The following GALNT10 variants were observed in gnomAD, a reference collection of about 807,000 sequenced individuals.
GALNT10 encodes GalNAc transferase 10.
In GALNT10, 41 loss-of-function variants were observed where a neutral mutation model predicts 75.0. The observed-to-expected ratio is 0.55, with a 90% CI of 0.43 to 0.71. The LOEUF is 0.71. Among genes scored for constraint, GALNT10 ranks in the 30% least tolerant of loss-of-function variants. GALNT10 has a pLI of 0.00. For missense variants in GALNT10, 727 were observed against 818.5 expected (o/e 0.89, Z 1.36); for synonymous variants, 302 against 313.0 (o/e 0.96, Z 0.37).
At chr5:154,375,765 C>A (rs891921418) in intron 4 of GALNT10, among the ~76,000 whole-genome samples, 1 of 152,148 alleles carries the variant, frequency 6.6e-6, no homozygotes, top group African/African-American at 2.4e-5. Flanking sequence ...AATAATGCTG[C>A]AGAATATTCT....
At chr5:154,391,681 C>T (rs546811736) in intron 7 of GALNT10, among the ~76,000 whole-genome samples, 1 of 152,314 alleles carries the variant, frequency 6.6e-6, no homozygotes, top group African/African-American at 2.4e-5. Flanking sequence ...CTGATTTAAG[C>T]AAAAACCAGA....
chr5:154,408,449 T>C (rs1756328306), intron 8 of GALNT10, among the ~76,000 whole-genome samples: 1 of 152,126 alleles, frequency 6.6e-6, no homozygotes, highest in South Asian at 2.1e-4. Context: ...GAGCGGAGAA[T>C]TTCCCCTGAA....
intron 7 of GALNT10, chr5:154,387,028 C>T (rs1041816343): frequency 6.5e-6 from 1 of 154,488 alleles, no homozygotes; most frequent in Admixed American, 6.5e-5. Flanking sequence ...TACTACCTAG[C>T]TTACAGAGCT....
rs568337320 is a variant in GALNT10, at chr5:154,285,644, C to T, written c.160-9172C>T. On this transcript the variant is annotated intron_variant, in intron 1 of 11. Transcript: ENST00000297107. ...CCCACCCCTACTTCTGCCTTCCCAG[C>T]ATAAGCTAACATCATCTCTGCCTGC... Among the ~76,000 whole-genome samples, 3 of 152,314 alleles carry T rather than the reference C, an allele frequency of 2.0e-5. 1 individual carries two copies. In the South Asian group the frequency reaches 6.2e-4, roughly 32 times the overall value.
intron 1 of GALNT10, among the ~76,000 whole-genome samples, chr5:154,202,835 T>C (rs1365205607): frequency 6.6e-6 from 1 of 152,124 alleles, no homozygotes; most frequent in Non-Finnish European, 1.5e-5. Context: ...TCTCTGCTTG[T>C]GGGGGTGGGG....
chr5:154,361,184 C>T (rs1161938486), intron 4 of GALNT10, among the ~76,000 whole-genome samples: 1 of 152,068 alleles, frequency 6.6e-6, no homozygotes, highest in Non-Finnish European at 1.5e-5. Context: ...TGGTCCCCCT[C>T]TCCAAAGTTA....
intron 1 of GALNT10, among the ~76,000 whole-genome samples, chr5:154,260,587 T>C (rs578095485): frequency 6.6e-6 from 1 of 152,318 alleles, no homozygotes; most frequent in South Asian, 2.1e-4. Flanking sequence ...AGTTTTATAA[T>C]CATTCATTTT....
chr5:154,376,540 C>A lies in GALNT10; in HGVS notation c.754+78C>A. ...AGTGGCCCCCTCCTGCTGCAGGGAG[C>A]CATCCATAAGCCTTCCCTTGCCTGT... is the stretch of plus-strand genomic sequence containing the variant. On this transcript the variant is annotated intron_variant, in intron 5 of 11. Coordinates refer to ENST00000297107, the MANE Select transcript of GALNT10 (RefSeq NM_198321.4). The surrounding 1 kb of genome is among the most constrained non-coding windows in gnomAD (Gnocchi z 4.1). 1.9e-6 allele frequency: 2 copies of A among 1,051,906 alleles called. No individual in the cohort carries two copies. Among genetic ancestry groups the A allele is most frequent in the South Asian group, 1.7e-5 (1 of 60,304 alleles). The allele number at this position is 1,051,906 out of a possible 1,614,324, so 65.2% of individuals were successfully genotyped here.
intron 1 of GALNT10, among the ~76,000 whole-genome samples, chr5:154,285,947 A>T (rs908403426): frequency 7.2e-5 from 11 of 152,088 alleles, no homozygotes; most frequent in African/African-American, 2.7e-4. Context: ...GAATCTTTGC[A>T]TATCTTTACT....
rs796658629 is a variant in GALNT10 at position 154,225,989 on chromosome 5, A to G, written c.159+34964A>G. ...CACACACCGGGGCCTGTTGTGGGGT[A>G]GGGGAAGGGGGGAGGGATAGCATTA... On this transcript the variant is annotated intron_variant, in intron 1 of 11. Coordinates refer to ENST00000297107, the MANE Select transcript of GALNT10 (RefSeq NM_198321.4). 5.6e-4 allele frequency among the ~76,000 whole-genome samples: 81 copies of G among 145,368 alleles called. 1 individual carries two copies. Among genetic ancestry groups the G allele is most frequent in the African/African-American group, 1.9e-3 (77 of 40,284 alleles).
intron 1 of GALNT10, among the ~76,000 whole-genome samples, chr5:154,250,701 G>T (rs1052659873): frequency 6.6e-6 from 1 of 152,104 alleles, no homozygotes; most frequent in Non-Finnish European, 1.5e-5. Flanking sequence ...CTCAATCTAG[G>T]TGTCAATCCT....
chr5:154,215,428 G>C (rs1752850624), intron 1 of GALNT10, among the ~76,000 whole-genome samples: 1 of 152,076 alleles, frequency 6.6e-6, no homozygotes, highest in Admixed American at 6.6e-5. Flanking sequence ...CTTGCAGTGA[G>C]CCGAGATGGC....
intron 1 of GALNT10, among the ~76,000 whole-genome samples, chr5:154,269,721 G>A (rs1035896927): frequency 6.6e-6 from 1 of 152,236 alleles, no homozygotes; most frequent in African/African-American, 2.4e-5. Flanking sequence ...AGAGAACAGT[G>A]TCAGTGGAGG....
At chr5:154,300,110 G>A (rs1165513535) in intron 3 of GALNT10, among the ~76,000 whole-genome samples, 1 of 152,098 alleles carries the variant, frequency 6.6e-6, no homozygotes. Flanking sequence ...TGTCGGGATT[G>A]CAGATGTGAG....
intron 1 of GALNT10, among the ~76,000 whole-genome samples, chr5:154,289,492 C>G (rs1379043084): frequency 6.6e-6 from 1 of 152,180 alleles, no homozygotes; most frequent in Non-Finnish European, 1.5e-5. Flanking sequence ...AATGCCCCTG[C>G]CTTCAAGAAG....
chr5:154,250,100 C>A (rs1753490848), intron 1 of GALNT10, among the ~76,000 whole-genome samples: 1 of 152,156 alleles, frequency 6.6e-6, no homozygotes, highest in African/African-American at 2.4e-5. Flanking sequence ...GGGATCAACT[C>A]CTTTAAGAGC....
chr5:154,396,925 G>A (rs1360288754), intron 7 of GALNT10, among the ~76,000 whole-genome samples: 1 of 152,012 alleles, frequency 6.6e-6, no homozygotes, highest in South Asian at 2.1e-4. Context: ...TCAGGAGTTC[G>A]AGACCAGCCT....
In GALNT10 at chr5:154,329,754, C is replaced by T. The variant is rs770921765; in HGVS notation, c.568+16C>T. The T allele has an allele frequency of 1.3e-6, 2 of 1,593,280 alleles. No homozygotes were observed. The highest frequency in any genetic ancestry group is 8.6e-7 in the Non-Finnish European group (1 of 1,162,198). ...AGTGATCGAGGTAGGATCCGTCCCACCCAGCCTCCCACCCTCTGTGCTTCA... is the reference window on the plus strand; with the variant it reads ...AGTGATCGAGGTAGGATCCGTCCCATCCAGCCTCCCACCCTCTGTGCTTCA... On this transcript the variant is annotated intron_variant, in intron 4 of 11. Coordinates refer to ENST00000297107, the MANE Select transcript of GALNT10 (RefSeq NM_198321.4).
At chr5:154,356,135 T>TTGC (rs1755286601) in intron 4 of GALNT10, 1 of 456,158 alleles carries the variant, frequency 2.2e-6, no homozygotes, top group Non-Finnish European at 4.4e-6. Context: ...GCTAAAAAGA[T>TTGC]TATGTCTGCA....
Sources: allele counts gnomAD v4.1 joint callset (sites outside exome capture counted in the v4.1 genomes callset), GRCh38; gene constraint gnomAD v4.1.1; non-coding constraint Gnocchi (gnomAD v3.1); transcripts MANE v1.5; gene names NCBI Gene and HGNC (gene_info 2026-07-23, HGNC 2026-07-21).